Variants in SFRP4 observed in about 807,000 individuals in gnomAD.
The protein encoded by SFRP4 is secreted frizzled related protein 4.
A neutral mutation model predicts 36.3 loss-of-function variants in SFRP4; 25 were observed. The observed-to-expected ratio is 0.69, with a 90% confidence interval of 0.50 to 0.96. SFRP4 has a LOEUF of 0.96. Ranked by LOEUF, SFRP4 falls within the 40% of genes least tolerant of loss-of-function variation. SFRP4 has a pLI of 0.00. For synonymous variants in SFRP4, 182 were observed against 168.8 expected (o/e 1.08, Z -0.60); for missense variants, 487 against 459.6 (o/e 1.06, Z -0.54).
intron 3 of SFRP4, among the ~76,000 whole-genome samples, chr7:37,913,135 G>A (rs1000217330): frequency 3.9e-5 from 6 of 152,204 alleles, no homozygotes; most frequent in African/African-American, 1.4e-4. Flanking sequence ...GAGGGACTAA[G>A]TAAATCAGAT....
chr7:37,910,714 A>T (rs1785474093), intron 4 of SFRP4, among the ~76,000 whole-genome samples: 1 of 152,130 alleles, frequency 6.6e-6, no homozygotes, highest in Admixed American at 6.5e-5. Context: ...ATTTTTTTAC[A>T]AATAGGAATA....
chr7:37,911,158 T>C (rs982480713), intron 4 of SFRP4, among the ~76,000 whole-genome samples: 1 of 152,232 alleles, frequency 6.6e-6, no homozygotes, highest in African/African-American at 2.4e-5. Flanking sequence ...TGATTGCTTC[T>C]TTAGGGAGAC....
intron 5 of SFRP4, 84 bp from the exon 6 acceptor site, chr7:37,907,748 T>C: frequency 2.2e-6 from 2 of 921,550 alleles, no homozygotes; most frequent in East Asian, 2.4e-5. Flanking sequence ...AGGCAAGTTT[T>C]TCACTGTAAT....
chr7:37,911,586 T>C (rs919508361), intron 4 of SFRP4, among the ~76,000 whole-genome samples: 14 of 152,198 alleles, frequency 9.2e-5, no homozygotes, highest in African/African-American at 3.4e-4. Flanking sequence ...TATTTATTTG[T>C]TTATACATTG....
chr7:37,913,426 G>A (rs560831550), intron 3 of SFRP4, among the ~76,000 whole-genome samples: 1 of 152,242 alleles, frequency 6.6e-6, no homozygotes, highest in South Asian at 2.1e-4. Context: ...ACCACTTTAT[G>A]TTATTTCAGC....
rs1416680970 is a variant in SFRP4, at chr7:37,912,242, A to G, written c.668T>C (p.Ile223Thr). 1.2e-6 allele frequency: 2 copies of G among 1,613,952 alleles called. No homozygotes were observed. The highest frequency in any genetic ancestry group is 1.3e-5 in the African/African-American group (1 of 74,898). Residue 223 changes from isoleucine to threonine, a missense_variant, in exon 4 of 6, where the codon ATC (isoleucine) becomes ACC (threonine). Transcript: ENST00000436072. ...AGGGATGGGTGATGAGGACTTGAAGATCTCTTTTACATCCACCACCGTTGT... is the reference window on the plus strand; with the variant it reads ...AGGGATGGGTGATGAGGACTTGAAGGTCTCTTTTACATCCACCACCGTTGT... ...EVTTVVDVKEIFKSSSPIPRT... is the reference protein window; with the variant it reads ...EVTTVVDVKETFKSSSPIPRT...
chr7:37,912,146 A>G lies in SFRP4; in HGVS notation c.764T>C (p.Leu255Pro). ...TGAGCGCCACTCGTAACACATGATG[A>G]GAACATCTTGATGGGGCAGGATGTG... ...CPHILPHQDV[L>P]IMCYEWRSRM... The change falls in exon 4 of 6, where the codon CTC becomes CCC. Residue 255 changes from leucine to proline, a missense_variant. Physicochemically the swap from Leu to Pro is moderately conservative, Grantham distance 98 (BLOSUM62 -3). Coordinates refer to ENST00000436072, the MANE Select transcript of SFRP4 (RefSeq NM_003014.4). 6.2e-7 allele frequency: 1 copy of G among 1,614,124 alleles called. No homozygotes were observed. The highest frequency in any genetic ancestry group is 1.1e-5 in the South Asian group (1 of 91,070).
At position 37,916,107 on chromosome 7, in the gene SFRP4, G is replaced by A. The variant is rs1257326476; in HGVS notation, c.431C>T (p.Thr144Met). 2 of 1,612,078 alleles carry A rather than the reference G, an allele frequency of 1.2e-6. No individual in the cohort carries two copies. Among genetic ancestry groups the A allele is most frequent in the African/African-American group, 2.7e-5 (2 of 74,856 alleles). ...TACGGCCTCACCCTCCGGGAGGTCC[G>A]TGACGATGGCTTCAGGCGAGATGCA... ...GVCISPEAIVTDLPEDVKWID... is the reference protein window; with the variant it reads ...GVCISPEAIVMDLPEDVKWID... The change falls in exon 1 of 6, where the codon ACG (threonine) becomes ATG (methionine). Residue 144 changes from threonine (T) to methionine (M), a missense_variant. Thr to Met is a moderately conservative substitution (Grantham distance 81). Coordinates refer to ENST00000436072, the MANE Select transcript of SFRP4 (RefSeq NM_003014.4). This position sits in a 1 kb window ranked among gnomAD's most constrained non-coding sequence, Gnocchi z 4.1.
chr7:37,914,139 G>C lies in SFRP4; in HGVS notation c.592+74C>G, dbSNP rs1583655516. 6.0e-6 allele frequency: 7 copies of C among 1,164,838 alleles called. No individual in the cohort carries two copies. The East Asian group carries it at 1.4e-4, about 23-fold the overall frequency. 72.2% of individuals were successfully genotyped at this position (1,164,838 alleles called of 1,614,324 possible). A position where few individuals can be genotyped will look rare whatever the true frequency, so the allele number is the denominator to read the frequency against. Reference sequence around the variant, plus strand: ...TTTACTTTGTGACTAGCTTTAGTGAGAGCGACCTTATTGAGATTCCAGCTT... The same window carrying C: ...TTTACTTTGTGACTAGCTTTAGTGACAGCGACCTTATTGAGATTCCAGCTT... On this transcript the variant is annotated intron_variant, in intron 3 of 5. Transcript: ENST00000436072.
In SFRP4 at chr7:37,909,605, C is replaced by G; in HGVS notation, c.855+12G>C. On this transcript the variant is annotated intron_variant, in intron 5 of 5. Coordinates refer to ENST00000436072, the MANE Select transcript of SFRP4 (RefSeq NM_003014.4). ...TTACATCCATCTTCACAGCATTGTT[C>G]ATGATACTTACTATGGATCTTTTAC... The G allele has an allele frequency of 6.6e-7, 1 of 1,511,422 alleles. No individual in the cohort carries two copies. Among genetic ancestry groups the G allele is most frequent in the Non-Finnish European group, 9.0e-7 (1 of 1,110,142 alleles). The allele number at this position is 1,511,422 out of a possible 1,614,324, so 93.6% of individuals were successfully genotyped here.
At chr7:37,914,139 G>T in intron 3 of SFRP4, 74 bp downstream of exon 3, 1 of 1,164,838 alleles carries the variant, frequency 8.6e-7, no homozygotes, top group Non-Finnish European at 1.3e-6. Context: ...GCTTTAGTGA[G>T]AGCGACCTTA....
chr7:37,907,362 A>G lies in SFRP4; in HGVS notation c.*117T>C. 2.6e-6 allele frequency: 2 copies of G among 756,368 alleles called. No individual in the cohort carries two copies. Among genetic ancestry groups the G allele is most frequent in the Non-Finnish European group, 4.3e-6 (2 of 461,608 alleles). The allele number at this position is 756,368 out of a possible 1,614,324, so 46.9% of individuals were successfully genotyped here. On this transcript the variant is annotated 3_prime_UTR_variant, in exon 6 of 6. Transcript: ENST00000436072. ...AATGCTGCAAGATGTGTCTATGAAG[A>G]GCACTGCAGTGAGTTGTTAGGGCAA...
At position 37,916,161 on chromosome 7, in the gene SFRP4, T is replaced by A. The variant is rs1411490949; in HGVS notation, c.377A>T (p.Asp126Val). 1 of 1,614,090 alleles carries A rather than the reference T, an allele frequency of 6.2e-7. No individual in the cohort carries two copies. The change falls in exon 1 of 6, where the codon GAC becomes GTC. Residue 126 changes from aspartate to valine, a missense_variant. Coordinates refer to ENST00000436072, the MANE Select transcript of SFRP4 (RefSeq NM_003014.4). This position sits in a 1 kb window ranked among gnomAD's most constrained non-coding sequence, Gnocchi z 4.1. Reference sequence around the variant, plus strand: ...GCCACGGTCATAGACAGGCAGCTCGTCGCAGGCCAGGCTTTCGGGCCAGCT... The same window carrying A: ...GCCACGGTCATAGACAGGCAGCTCGACGCAGGCCAGGCTTTCGGGCCAGCT... ...NHSWPESLAC[D>V]ELPVYDRGVC...
rs1785498836 is a variant in SFRP4, at chr7:37,912,151, A to G, written c.759T>C (p.Asp253=). The G allele has an allele frequency of 2.5e-6, 4 of 1,614,196 alleles. No individual in the cohort carries two copies. The highest frequency in any genetic ancestry group is 2.2e-5 in the South Asian group (2 of 91,072). Residue 253 remains aspartate, a synonymous_variant, in exon 4 of 6, where the codon GAT becomes GAC. Transcript: ENST00000436072. Reference sequence around the variant, plus strand: ...GCCACTCGTAACACATGATGAGAACATCTTGATGGGGCAGGATGTGTGGAC... The same window carrying G: ...GCCACTCGTAACACATGATGAGAACGTCTTGATGGGGCAGGATGTGTGGAC... ...CQCPHILPHQ[D]VLIMCYEWRS...
intron 3 of SFRP4, 74 bp downstream of exon 3, chr7:37,914,139 G>A: frequency 1.7e-6 from 2 of 1,164,838 alleles, no homozygotes; most frequent in African/African-American, 1.5e-5. Context: ...GCTTTAGTGA[G>A]AGCGACCTTA....
Sources: allele counts gnomAD v4.1 joint callset (sites outside exome capture counted in the v4.1 genomes callset), GRCh38; gene constraint gnomAD v4.1.1; non-coding constraint Gnocchi (gnomAD v3.1); transcripts MANE v1.5; gene names NCBI Gene and HGNC (gene_info 2026-07-23, HGNC 2026-07-21).